Variants in DLGAP1 observed in about 807,000 individuals in gnomAD.
The protein encoded by DLGAP1 is disks large-associated protein 1.
In DLGAP1, 11 loss-of-function variants were observed where a neutral mutation model predicts 90.8. The ratio of observed to expected loss-of-function variants is 0.12; its 90% CI spans 0.08 to 0.20. The LOEUF (loss-of-function observed/expected upper bound fraction) is 0.20, where lower values mean the gene tolerates loss of function less well. DLGAP1 is among the 10% of genes least tolerant of loss of function. DLGAP1 has a pLI of 1.00. For missense variants in DLGAP1, 1,050 were observed against 1,333.8 expected (o/e 0.79, Z 3.31); for synonymous variants, 558 against 540.7 (o/e 1.03, Z -0.44).
At chr18:4,290,865 G>A (rs79564521) in intron 1 of DLGAP1, among the ~76,000 whole-genome samples, 6,929 of 152,214 alleles carry the variant, frequency 0.046, 252 homozygotes, top group Non-Finnish European at 0.064. Context: ...AATCTGTAAT[G>A]AACTTCTGGC....
chr18:3,788,775 CAG>C (rs1385884437), intron 5 of DLGAP1, among the ~76,000 whole-genome samples: 1 of 152,010 alleles, frequency 6.6e-6, no homozygotes, highest in African/African-American at 2.4e-5. Context: ...TGTAAATACA[CAG>C]AGAAATAGTT....
chr18:3,860,044 A>G (rs961774375), intron 4 of DLGAP1, among the ~76,000 whole-genome samples: 3 of 150,508 alleles, frequency 2.0e-5, no homozygotes, highest in Admixed American at 6.6e-5. Context: ...GCTTGCAGTG[A>G]GCCGAGATTG....
chr18:3,897,919 C>T (rs1284281656), intron 3 of DLGAP1, among the ~76,000 whole-genome samples: 11 of 151,402 alleles, frequency 7.3e-5, no homozygotes, highest in Non-Finnish European at 1.3e-4. Context: ...CTCAGCCTCC[C>T]GAGTAGCTGG....
chr18:4,301,987 TTTG>T (rs2080137128), intron 1 of DLGAP1, among the ~76,000 whole-genome samples: 1 of 152,172 alleles, frequency 6.6e-6, no homozygotes, highest in Admixed American at 6.5e-5. Context: ...AATCAGGTCA[TTTG>T]TTTTCTTGCT....
In DLGAP1 at chr18:3,848,127, C is replaced by CAAAAAAAAA. The variant is rs3862177; in HGVS notation, c.957+30976_957+30984dup. Among the ~76,000 whole-genome samples, 114 of 32,078 alleles carry CAAAAAAAAA rather than the reference C, an allele frequency of 3.6e-3. 3 individuals carry two copies. The highest frequency in any genetic ancestry group is 3.8e-3 in the Non-Finnish European group (79 of 20,760). The allele number at this position is 32,078 out of a possible 152,430, so 21.0% of individuals were successfully genotyped here. A position where few individuals can be genotyped will look rare whatever the true frequency, so the allele number is the denominator to read the frequency against. ...TGGATGATGGAGCAAGGCCCCGTCT[C>CAAAAAAAAA]AAAAAAAAAAAAAAAAAAAAAAAAA... is the stretch of plus-strand genomic sequence containing the variant. On this transcript the variant is annotated intron_variant, in intron 4 of 12. Transcript: ENST00000315677.
At chr18:4,039,917 C>T (rs2074950383) in intron 2 of DLGAP1, among the ~76,000 whole-genome samples, 1 of 152,156 alleles carries the variant, frequency 6.6e-6, no homozygotes, top group African/African-American at 2.4e-5. Context: ...AGATAAATTA[C>T]CTTTGAGTCA....
intron 7 of DLGAP1, among the ~76,000 whole-genome samples, chr18:3,633,322 G>C (rs567477643): frequency 4.7e-5 from 7 of 150,132 alleles, no homozygotes; most frequent in African/African-American, 1.7e-4. Flanking sequence ...AGAATCGCTT[G>C]AACCCAGAAA....
intron 8 of DLGAP1, among the ~76,000 whole-genome samples, chr18:3,574,407 G>T (rs1044126711): frequency 6.6e-5 from 10 of 152,244 alleles, no homozygotes; most frequent in African/African-American, 2.4e-4. Flanking sequence ...TGATTTATAG[G>T]ATTCCTGCTG....
intron 3 of DLGAP1, among the ~76,000 whole-genome samples, chr18:3,950,588 T>A (rs912232922): frequency 6.6e-6 from 1 of 152,164 alleles, no homozygotes; most frequent in African/African-American, 2.4e-5. Flanking sequence ...TGCAAACCAG[T>A]CAAATGAGTG....
intron 1 of DLGAP1, among the ~76,000 whole-genome samples, chr18:4,164,893 A>G (rs985988671): frequency 1.3e-5 from 2 of 152,184 alleles, no homozygotes; most frequent in African/African-American, 4.8e-5. Context: ...CAGAGTGAAG[A>G]TAACAGAACA....
In DLGAP1 at chr18:3,880,138, G is replaced by C; in HGVS notation, c.-70C>G. The C allele has an allele frequency of 4.2e-6, 6 of 1,435,726 alleles. No individual in the cohort carries two copies. The highest frequency in any genetic ancestry group is 5.8e-6 in the Non-Finnish European group (6 of 1,040,158). The allele number at this position is 1,435,726 out of a possible 1,614,324, so 88.9% of individuals were successfully genotyped here. On this transcript the variant is annotated splice_region_variant and 5_prime_UTR_variant, in exon 4 of 13. In the 5' UTR this introduces an upstream ATG that the reference lacks. Coordinates refer to ENST00000315677, the MANE Select transcript of DLGAP1 (RefSeq NM_004746.4). Reference sequence around the variant, plus strand: ...AGGCTCCAGACCCGTCTTGGGCAGGGATCTGGGGGAATGAAGAAAAGGGCA... The same window carrying C: ...AGGCTCCAGACCCGTCTTGGGCAGGCATCTGGGGGAATGAAGAAAAGGGCA...
chr18:3,581,945 G>A lies in DLGAP1; in HGVS notation c.1895C>T (p.Ala632Val). The A allele has an allele frequency of 1.2e-6, 2 of 1,614,094 alleles. No homozygotes were observed. The highest frequency in any genetic ancestry group is 1.7e-6 in the Non-Finnish European group (2 of 1,180,002). ...TATVTTTTTIATVTTEDRKKD... is the reference protein window; with the variant it reads ...TATVTTTTTIVTVTTEDRKKD... ...CTTCCTGTCCTCCGTGGTGACGGTG[G>A]CTATGGTAGTCGTGGTGGTGACGGT... is the stretch of plus-strand genomic sequence containing the variant. Residue 632 changes from alanine to valine, a missense_variant, in exon 8 of 13, where the codon GCC (alanine) becomes GTC (valine). Ala to Val is a moderately conservative substitution (Grantham distance 64). Transcript: ENST00000315677.
intron 2 of DLGAP1, among the ~76,000 whole-genome samples, chr18:4,134,224 C>T (rs550522394): frequency 6.6e-6 from 1 of 152,172 alleles, no homozygotes; most frequent in African/African-American, 2.4e-5. Context: ...TCCTGTCTCT[C>T]TTTGCATCCT....
intron 7 of DLGAP1, among the ~76,000 whole-genome samples, chr18:3,663,941 A>G (rs1270889561): frequency 6.6e-6 from 1 of 152,194 alleles, no homozygotes; most frequent in East Asian, 1.9e-4. Flanking sequence ...GTCTTGTCCA[A>G]TGAGTTGAAG....
chr18:3,949,631 T>C (rs1216745665), intron 3 of DLGAP1, among the ~76,000 whole-genome samples: 2 of 152,202 alleles, frequency 1.3e-5, no homozygotes, highest in Non-Finnish European at 1.5e-5. Flanking sequence ...CGCCTCTTTG[T>C]CGATGCAGGA....
At chr18:4,176,407 A>T (rs1411009119) in intron 1 of DLGAP1, among the ~76,000 whole-genome samples, 2 of 152,136 alleles carry the variant, frequency 1.3e-5, no homozygotes, top group African/African-American at 4.8e-5. Flanking sequence ...TTCTATTTCA[A>T]ACCAGCAGCC....
intron 1 of DLGAP1, among the ~76,000 whole-genome samples, chr18:4,222,563 G>A (rs2078098120): frequency 6.6e-6 from 1 of 151,972 alleles, no homozygotes; most frequent in African/African-American, 2.4e-5. Context: ...AGGAGTTAGT[G>A]GAGTAATATA....
rs375693826 is a variant in DLGAP1, at chr18:4,089,776, T to C, written c.-159+61404A>G. ...CGGACCTCTTCCTGGCCGGGCACGG[T>C]GGCTCACGCCTGTAGTCCCAGCACT... is the stretch of plus-strand genomic sequence containing the variant. On this transcript the variant is annotated intron_variant, in intron 2 of 12. Transcript: ENST00000315677. Among the ~76,000 whole-genome samples the C allele has an allele frequency of 3.3e-5, 5 of 152,344 alleles. No homozygotes were observed. In the East Asian group the frequency reaches 9.6e-4, roughly 29 times the overall value.
At chr18:4,421,280 C>T (rs577393426) in intron 1 of DLGAP1, among the ~76,000 whole-genome samples, 79 of 152,132 alleles carry the variant, frequency 5.2e-4, no homozygotes, top group Admixed American at 3.7e-3. Context: ...TCTGTCTTCA[C>T]TTCACCTTCT....
Sources: gnomAD v4.1 joint callset for allele counts (sites outside exome capture counted in the v4.1 genomes callset) on GRCh38, gnomAD v4.1.1 for gene constraint, MANE v1.5 for transcripts, NCBI Gene and HGNC (gene_info 2026-07-23, HGNC 2026-07-21) for gene names.